Variants in GUCY1A2 observed in about 807,000 individuals in gnomAD.
GUCY1A2 encodes guanylate cyclase soluble subunit alpha-2.
A neutral mutation model predicts 63.5 loss-of-function variants in GUCY1A2; 27 were observed. The ratio of observed to expected loss-of-function variants is 0.43; its 90% confidence interval spans 0.31 to 0.59. The LOEUF (loss-of-function observed/expected upper bound fraction) is 0.59. GUCY1A2 is among the 20% of genes least tolerant of loss of function. GUCY1A2 has a pLI of 0.11. For missense variants in GUCY1A2, 768 were observed against 913.3 expected (o/e 0.84, Z 2.05); for synonymous variants, 364 against 343.5 (o/e 1.06, Z -0.66).
chr11:106,933,660 AC>A (rs1565336095), intron 4 of GUCY1A2, among the ~76,000 whole-genome samples: 1 of 152,224 alleles, frequency 6.6e-6, no homozygotes, highest in Non-Finnish European at 1.5e-5. Context: ...TTATTGCAGC[AC>A]TATTCACAAT....
chr11:106,883,195 A>G (rs930233206), intron 4 of GUCY1A2, among the ~76,000 whole-genome samples: 3 of 152,080 alleles, frequency 2.0e-5, no homozygotes, highest in African/African-American at 7.2e-5. Context: ...GTCCCACAAC[A>G]CTAAGAACAA....
At chr11:106,747,089 G>A (rs1002514474) in intron 6 of GUCY1A2, among the ~76,000 whole-genome samples, 10 of 152,204 alleles carry the variant, frequency 6.6e-5, no homozygotes, top group East Asian at 1.9e-4. Context: ...CCGGGTTCAC[G>A]CCATTCTCCT....
chr11:106,773,316 C>T (rs1425503117), intron 6 of GUCY1A2, among the ~76,000 whole-genome samples: 3 of 151,702 alleles, frequency 2.0e-5, no homozygotes, highest in Non-Finnish European at 2.9e-5. Flanking sequence ...TTCTTTTGTT[C>T]AAGATTATGT....
intron 1 of GUCY1A2, among the ~76,000 whole-genome samples, chr11:107,013,880 G>A (rs1244555229): frequency 6.6e-6 from 1 of 152,006 alleles, no homozygotes; most frequent in Non-Finnish European, 1.5e-5. Flanking sequence ...AATGATTAAA[G>A]AAGTTCCATG....
chr11:106,723,004 A>C (rs888091625), intron 6 of GUCY1A2, among the ~76,000 whole-genome samples: 5 of 152,354 alleles, frequency 3.3e-5, no homozygotes, highest in African/African-American at 1.2e-4. Flanking sequence ...ATGTTTATAT[A>C]TGTGTAATTT....
chr11:106,991,525 G>A (rs1000748185), intron 1 of GUCY1A2, among the ~76,000 whole-genome samples: 7 of 152,056 alleles, frequency 4.6e-5, no homozygotes, highest in Admixed American at 1.3e-4. Flanking sequence ...GTGTCGTTAC[G>A]GTTGAAACCT....
At chr11:106,917,878 G>T (rs1301478904) in intron 4 of GUCY1A2, among the ~76,000 whole-genome samples, 1 of 138,614 alleles carries the variant, frequency 7.2e-6, no homozygotes, top group Non-Finnish European at 1.6e-5. Flanking sequence ...CACCAACAAG[G>T]CACATGTATA....
intron 4 of GUCY1A2, among the ~76,000 whole-genome samples, chr11:106,884,909 C>G (rs1327728146): frequency 6.6e-6 from 1 of 152,072 alleles, no homozygotes; most frequent in East Asian, 1.9e-4. Flanking sequence ...AAAATTCAGT[C>G]TTTTCAAAAG....
chr11:106,799,761 A>C (rs1356580027), intron 5 of GUCY1A2, among the ~76,000 whole-genome samples: 2 of 152,192 alleles, frequency 1.3e-5, no homozygotes, highest in African/African-American at 4.8e-5. Context: ...TAAAGACTTA[A>C]ATGTTAGACC....
chr11:106,759,998 T>C (rs536366903), intron 6 of GUCY1A2, among the ~76,000 whole-genome samples: 1 of 152,220 alleles, frequency 6.6e-6, no homozygotes, highest in South Asian at 2.1e-4. Context: ...GAATGCCATG[T>C]AAAGATTGGA....
At chr11:106,966,675 A>T (rs1861130470) in intron 3 of GUCY1A2, among the ~76,000 whole-genome samples, 1 of 152,228 alleles carries the variant, frequency 6.6e-6, no homozygotes, top group South Asian at 2.1e-4. Context: ...CTTTTCCTGC[A>T]GTTAATATAA....
At chr11:106,712,072 T>G (rs1373921111) in intron 6 of GUCY1A2, among the ~76,000 whole-genome samples, 1 of 152,092 alleles carries the variant, frequency 6.6e-6, no homozygotes, top group Admixed American at 6.6e-5. Context: ...TTTATAGTTT[T>G]TATCAAATTT....
chr11:106,883,888 T>A (rs1859861330), intron 4 of GUCY1A2, among the ~76,000 whole-genome samples: 1 of 152,072 alleles, frequency 6.6e-6, no homozygotes, highest in Non-Finnish European at 1.5e-5. Context: ...ATGTCCTTTG[T>A]AGGGACATGG....
intron 6 of GUCY1A2, among the ~76,000 whole-genome samples, chr11:106,746,372 C>T (rs1183236921): frequency 6.6e-6 from 1 of 152,084 alleles, no homozygotes; most frequent in East Asian, 1.9e-4. Context: ...TTTACATATG[C>T]TCTAAATAAT....
chr11:106,944,816 C>T (rs1460575629), intron 3 of GUCY1A2, among the ~76,000 whole-genome samples: 2 of 152,116 alleles, frequency 1.3e-5, no homozygotes, highest in Admixed American at 6.5e-5. Flanking sequence ...ACATACACTA[C>T]AAAACTATCA....
At chr11:106,793,236 C>A (rs1315738134) in intron 5 of GUCY1A2, among the ~76,000 whole-genome samples, 2 of 151,896 alleles carry the variant, frequency 1.3e-5, no homozygotes, top group South Asian at 2.1e-4. Flanking sequence ...TACAAGGGCA[C>A]CAAGAAAACA....
At chr11:106,849,456 T>C (rs1859321802) in intron 4 of GUCY1A2, among the ~76,000 whole-genome samples, 4 of 151,234 alleles carry the variant, frequency 2.6e-5, no homozygotes, top group African/African-American at 7.3e-5. Context: ...TCAAAGGAGG[T>C]AGCAATTAGT....
At position 106,687,448 on chromosome 11, in the gene GUCY1A2, C is replaced by CA; in HGVS notation, c.*100dup. On this transcript the variant is annotated 3_prime_UTR_variant, in exon 8 of 8. Coordinates refer to ENST00000526355, the MANE Select transcript of GUCY1A2 (RefSeq NM_000855.3). ...ATACAGAAATTTTGCTGCTTGTTCTCAACAAAGCAATGAAAGAGACACAAT... is the reference window on the plus strand; with the variant it reads ...ATACAGAAATTTTGCTGCTTGTTCTCAAACAAAGCAATGAAAGAGACACAAT... 1 of 891,362 alleles carries CA rather than the reference C, an allele frequency of 1.1e-6. No homozygotes were observed. Among genetic ancestry groups the CA allele is most frequent in the South Asian group, 1.5e-5 (1 of 67,384 alleles). 55.2% of individuals were successfully genotyped at this position (891,362 alleles called of 1,614,324 possible). A position where few individuals can be genotyped will look rare whatever the true frequency, so the allele number is the denominator to read the frequency against.
At chr11:106,883,648 T>A (rs936757090) in intron 4 of GUCY1A2, among the ~76,000 whole-genome samples, 1 of 152,130 alleles carries the variant, frequency 6.6e-6, no homozygotes, top group Non-Finnish European at 1.5e-5. Context: ...AATTTAGGCT[T>A]GTATATGCTA....
Sources: allele counts gnomAD v4.1 joint callset (sites outside exome capture counted in the v4.1 genomes callset), GRCh38; gene constraint gnomAD v4.1.1; transcripts MANE v1.5; gene names NCBI Gene and HGNC (gene_info 2026-07-23, HGNC 2026-07-21).